VPS37A: variants seen among roughly 807,000 people sequenced by gnomAD.
VPS37A encodes the protein VPS37A subunit of ESCRT-I, also known as vacuolar protein sorting-associated protein 37A.
A neutral mutation model predicts 49.8 loss-of-function variants in VPS37A; 30 were observed. The ratio of observed to expected loss-of-function variants is 0.60; its 90% confidence interval spans 0.45 to 0.82. VPS37A has a LOEUF of 0.82. Ranked by LOEUF, VPS37A falls within the 40% of genes least tolerant of loss-of-function variation. The probability of loss-of-function intolerance (pLI) is 0.00; values close to 1 mark genes in which losing one functional copy is unlikely to be tolerated. For synonymous variants in VPS37A, 195 were observed against 160.6 expected (o/e 1.21, Z -1.62); for missense variants, 593 against 464.4 (o/e 1.28, Z -2.55).
downstream of VPS37A, among the ~76,000 whole-genome samples, chr8:17,305,223 T>C (rs1053289742): frequency 5.9e-5 from 9 of 152,230 alleles, no homozygotes; most frequent in Non-Finnish European, 1.3e-4. Context: ...GTTAAAACCA[T>C]TTCATTTTAT....
At chr8:17,290,247 T>C (rs1816013195) in intron 11 of VPS37A, among the ~76,000 whole-genome samples, 2 of 151,792 alleles carry the variant, frequency 1.3e-5, no homozygotes, top group Admixed American at 1.3e-4. Context: ...TGAATAGGAG[T>C]TGTCTTGTGC....
the VPS37A span, among the ~76,000 whole-genome samples, chr8:17,314,825 C>G: frequency 1.3e-5 from 2 of 152,220 alleles, no homozygotes; most frequent in African/African-American, 4.8e-5. Flanking sequence ...GAAGGGACAG[C>G]CCTTTGAATT....
rs527393813 is a variant in VPS37A at position 17,297,759 on chromosome 8, C to T, written c.*2773C>T. ...GGATATTTTAGTCTTGTTGGGTTAG[C>T]CATGCTCTGAAGAATCTGTGAAAGT... is the stretch of plus-strand genomic sequence containing the variant. On this transcript the variant is annotated 3_prime_UTR_variant, in exon 12 of 12. Transcript: ENST00000324849. 4.6e-5 allele frequency: 7 copies of T among 151,982 alleles called. No homozygotes were observed. The highest frequency in any genetic ancestry group is 3.9e-4 in the East Asian group (2 of 5,170). 9.4% of individuals were successfully genotyped at this position (151,982 alleles called of 1,614,324 possible).
chr8:17,305,979 A>G, downstream of VPS37A: 1 of 1,571,890 alleles, frequency 6.4e-7, no homozygotes, highest in Non-Finnish European at 8.7e-7. Flanking sequence ...AGCATTAGAG[A>G]CTTTTTAAGG....
At chr8:17,330,403 C>T in the VPS37A span, among the ~76,000 whole-genome samples, 1 of 152,220 alleles carries the variant, frequency 6.6e-6, no homozygotes, top group Non-Finnish European at 1.5e-5. Flanking sequence ...TCTGTCTTTT[C>T]CCAGTTCGCA....
intron 11 of VPS37A, among the ~76,000 whole-genome samples, chr8:17,288,157 A>G (rs1815789563): frequency 6.6e-6 from 1 of 152,214 alleles, no homozygotes; most frequent in African/African-American, 2.4e-5. Context: ...GCTCATTTAT[A>G]TGAACATACT....
At chr8:17,257,357 C>T (rs1812562209) in intron 1 of VPS37A, among the ~76,000 whole-genome samples, 2 of 152,114 alleles carry the variant, frequency 1.3e-5, no homozygotes, top group African/African-American at 4.8e-5. Flanking sequence ...TAGTGTGATG[C>T]CTCCAACCTT....
chr8:17,306,023 C>A, downstream of VPS37A: 1 of 1,314,212 alleles, frequency 7.6e-7, no homozygotes. Flanking sequence ...GCCATAAATG[C>A]AAAAACAACC....
At chr8:17,262,442 C>T (rs1813040941) in intron 1 of VPS37A, among the ~76,000 whole-genome samples, 1 of 152,114 alleles carries the variant, frequency 6.6e-6, no homozygotes, top group Admixed American at 6.5e-5. Context: ...TATTTAGCCC[C>T]AACAAATTCA....
rs1265525473 is a variant in VPS37A, at chr8:17,280,212, G to C, written c.842-27G>C. 6.2e-6 allele frequency: 10 copies of C among 1,611,530 alleles called. No individual in the cohort carries two copies. The African/African-American group carries it at 1.1e-4, about 17-fold the overall frequency. ...CTGAAAAAAATCTCATCTTTACCTA[G>C]AAGTAAACTAGAGATTTATCTTACA... On this transcript the variant is annotated intron_variant, in intron 7 of 11. Coordinates refer to ENST00000324849, the MANE Select transcript of VPS37A (RefSeq NM_152415.3).
chr8:17,329,389 C>T, the VPS37A span, among the ~76,000 whole-genome samples: 1 of 152,322 alleles, frequency 6.6e-6, no homozygotes, highest in African/African-American at 2.4e-5. Context: ...GGAAAAGTTA[C>T]GTGCAAGCAC....
intron 1 of VPS37A, 151 bp from the exon 2 acceptor site, chr8:17,265,756 T>G (rs1051064151): frequency 5.9e-6 from 9 of 1,531,090 alleles, no homozygotes; most frequent in Middle Eastern, 1.7e-4. Flanking sequence ...TATGATCATT[T>G]TCCTTCCCCT....
Position 17,296,402 on chromosome 8 carries a change from A to AGAT in VPS37A, c.*1417_*1419dup, listed in dbSNP as rs1314567933. 4 of 152,196 alleles carry AGAT rather than the reference A, an allele frequency of 2.6e-5. No individual in the cohort carries two copies. The highest frequency in any genetic ancestry group is 5.9e-5 in the Non-Finnish European group (4 of 68,016). 9.4% of individuals were successfully genotyped at this position (152,196 alleles called of 1,614,324 possible). Reference sequence around the variant, plus strand: ...TAATTAATTATTACTCCTGATTTGTAGATAACTGAGGTAAGAGTGTTTCAA... The same window carrying AGAT: ...TAATTAATTATTACTCCTGATTTGTAGATGATAACTGAGGTAAGAGTGTTTCAA... On this transcript the variant is annotated 3_prime_UTR_variant, in exon 12 of 12. Transcript: ENST00000324849.
chr8:17,279,583 T>A (rs1045094967), intron 6 of VPS37A: 3 of 292,082 alleles, frequency 1.0e-5, no homozygotes, highest in Non-Finnish European at 6.7e-6. Context: ...AGCAATTAAG[T>A]TAAACAGAAT....
rs1171250210 is a variant in VPS37A, at chr8:17,297,629, C to T, written c.*2643C>T. On this transcript the variant is annotated 3_prime_UTR_variant, in exon 12 of 12. Transcript: ENST00000324849. The stretch of plus-strand genomic sequence containing the variant: ...TATTACTAATTGGGAAGTAATATGC[C>T]TCAAATCAGTTTTATACTGGATTAT... 6.6e-6 allele frequency: 1 copy of T among 151,896 alleles called. No homozygotes were observed. Among genetic ancestry groups the T allele is most frequent in the Non-Finnish European group, 1.5e-5 (1 of 67,904 alleles). The allele number at this position is 151,896 out of a possible 1,614,324, so 9.4% of individuals were successfully genotyped here.
chr8:17,320,378 C>G, the VPS37A span, among the ~76,000 whole-genome samples: 2 of 151,864 alleles, frequency 1.3e-5, no homozygotes, highest in African/African-American at 4.8e-5. Context: ...TGCATGATAG[C>G]AAGACGGAGG....
At position 17,297,464 on chromosome 8, in the gene VPS37A, A is replaced by C. The variant is rs1404436780; in HGVS notation, c.*2478A>C. The C allele has an allele frequency of 1.3e-5, 2 of 151,872 alleles. No individual in the cohort carries two copies. Among genetic ancestry groups the C allele is most frequent in the East Asian group, 3.8e-4 (2 of 5,200 alleles). 9.4% of individuals were successfully genotyped at this position (151,872 alleles called of 1,614,324 possible). On this transcript the variant is annotated 3_prime_UTR_variant, in exon 12 of 12. Coordinates refer to ENST00000324849, the MANE Select transcript of VPS37A (RefSeq NM_152415.3). ...AACTAATGTGCTCTTAAAGAATAAA[A>C]ATTTATTCTATGGTTTCTGTCTCTG...
At chr8:17,287,952 G>T (rs1348518414) in intron 11 of VPS37A, among the ~76,000 whole-genome samples, 1 of 152,104 alleles carries the variant, frequency 6.6e-6, no homozygotes, top group Non-Finnish European at 1.5e-5. Flanking sequence ...AGGGACTAGG[G>T]TACAGGAAAA....
chr8:17,273,361 C>G (rs560674945), intron 4 of VPS37A, among the ~76,000 whole-genome samples: 7 of 152,100 alleles, frequency 4.6e-5, no homozygotes, highest in Non-Finnish European at 8.8e-5. Flanking sequence ...AAATTGCCCT[C>G]CAGAGTAGTT....
Sources: allele counts gnomAD v4.1 joint callset (sites outside exome capture counted in the v4.1 genomes callset), GRCh38; gene constraint gnomAD v4.1.1; transcripts MANE v1.5; gene names NCBI Gene and HGNC (gene_info 2026-07-23, HGNC 2026-07-21).